The following UNC13C variants were observed in gnomAD, a reference collection of about 807,000 sequenced individuals.
The protein encoded by UNC13C is protein unc-13 homolog C.
In UNC13C, 174 loss-of-function variants were observed where a neutral mutation model predicts 245.4. The observed-to-expected ratio is 0.71, with a 90% CI of 0.63 to 0.80. The LOEUF is 0.80. Among genes scored for constraint, UNC13C ranks in the 30% least tolerant of loss-of-function variants. The pLI is 0.00. For missense variants in UNC13C, 2,829 were observed against 2,602.9 expected (o/e 1.09, Z -1.89); for synonymous variants, 992 against 895.1 (o/e 1.11, Z -1.93).
chr15:54,479,243 A>G (rs970866233), intron 19 of UNC13C, among the ~76,000 whole-genome samples: 1 of 152,052 alleles, frequency 6.6e-6, no homozygotes, highest in Non-Finnish European at 1.5e-5. Context: ...TATTTGCTTT[A>G]TATATCTGGG....
chr15:53,935,153 G>A, the UNC13C span, among the ~76,000 whole-genome samples: 1 of 103,004 alleles, frequency 9.7e-6, no homozygotes, highest in Non-Finnish European at 2.5e-5. Flanking sequence ...TTATCCTCCT[G>A]ATTAAAAAAA....
chr15:53,937,702 A>G, the UNC13C span, among the ~76,000 whole-genome samples: 1 of 152,228 alleles, frequency 6.6e-6, no homozygotes, highest in African/African-American at 2.4e-5. Flanking sequence ...GAAACCCTAC[A>G]AGCCAGAAGA....
chr15:53,977,936 C>G (rs1345221916), upstream of UNC13C, among the ~76,000 whole-genome samples: 1 of 152,178 alleles, frequency 6.6e-6, no homozygotes, highest in African/African-American at 2.4e-5. Flanking sequence ...GAATCACCTT[C>G]AAATGGTTTT....
At chr15:54,592,863 G>GTTTTTTTTTTTTTTT (rs56152927) in intron 30 of UNC13C, among the ~76,000 whole-genome samples, 3 of 134,146 alleles carry the variant, frequency 2.2e-5, no homozygotes, top group Non-Finnish European at 4.8e-5. Context: ...TTTGTTTTTT[G>GTTTTTTTTTTTTTTT]TTTTTTTTTT....
At position 54,220,530 on chromosome 15, in the gene UNC13C, G is replaced by A. The variant is rs1303808781; in HGVS notation, c.3072-14500G>A. On this transcript the variant is annotated intron_variant, in intron 4 of 32. Coordinates refer to ENST00000260323, the MANE Select transcript of UNC13C (RefSeq NM_001080534.3). ...GTTAATGGGTGCAGCACACCAGCAT[G>A]GCACATGTATACATATGTAACTAAC... Among the ~76,000 whole-genome samples the A allele has an allele frequency of 4.0e-5, 6 of 151,190 alleles. No individual in the cohort carries two copies. The East Asian group carries it at 1.2e-3, about 30-fold the overall frequency.
At chr15:54,031,049 T>C (rs1040545599) in intron 2 of UNC13C, among the ~76,000 whole-genome samples, 6 of 152,138 alleles carry the variant, frequency 3.9e-5, no homozygotes, top group Admixed American at 1.3e-4. Flanking sequence ...TTATCAAGTA[T>C]CTAGTAGCTC....
chr15:54,185,605 G>T (rs985876607), intron 4 of UNC13C, among the ~76,000 whole-genome samples: 75 of 148,110 alleles, frequency 5.1e-4, no homozygotes, highest in African/African-American at 1.7e-3. Context: ...ATTTCTGAGG[G>T]CTCTGTTCTG....
At chr15:54,287,964 C>T (rs935456956) in intron 10 of UNC13C, among the ~76,000 whole-genome samples, 3 of 152,174 alleles carry the variant, frequency 2.0e-5, no homozygotes, top group Admixed American at 2.0e-4. Context: ...AGTCCAGGAT[C>T]TTTCTGTAGT....
At chr15:54,004,867 C>T (rs903336958) in intron 1 of UNC13C, among the ~76,000 whole-genome samples, 2 of 152,118 alleles carry the variant, frequency 1.3e-5, no homozygotes, top group African/African-American at 4.8e-5. Flanking sequence ...AGATTTTCTT[C>T]CTGTAGAGTT....
At chr15:54,315,481 A>G (rs149743091) in intron 13 of UNC13C, among the ~76,000 whole-genome samples, 30 of 151,480 alleles carry the variant, frequency 2.0e-4, no homozygotes, top group African/African-American at 7.0e-4. Context: ...TTTAGTCTCA[A>G]TTATAGAATT....
chr15:54,062,728 T>C (rs1897899418), intron 2 of UNC13C, among the ~76,000 whole-genome samples: 1 of 152,214 alleles, frequency 6.6e-6, no homozygotes, highest in African/African-American at 2.4e-5. Context: ...ATACTGCTGT[T>C]AGAAACTCTA....
chr15:54,390,276 A>T (rs2039926738), intron 17 of UNC13C, among the ~76,000 whole-genome samples: 1 of 152,080 alleles, frequency 6.6e-6, no homozygotes, highest in Non-Finnish European at 1.5e-5. Flanking sequence ...ATATACTTAT[A>T]TTTTCTTATG....
At chr15:54,531,949 G>C (rs1436152380) in intron 25 of UNC13C, among the ~76,000 whole-genome samples, 1 of 151,950 alleles carries the variant, frequency 6.6e-6, no homozygotes, top group East Asian at 1.9e-4. Flanking sequence ...TTTGTGACTG[G>C]CTTCTTTACT....
At chr15:54,264,111 A>T in intron 8 of UNC13C, 57 bp from the exon 9 acceptor site, 1 of 1,496,762 alleles carries the variant, frequency 6.7e-7, no homozygotes, top group Non-Finnish European at 9.1e-7. Flanking sequence ...TCCCTCCTTT[A>T]GCCATCAAAA....
At chr15:54,090,777 C>T (rs953953080) in intron 2 of UNC13C, among the ~76,000 whole-genome samples, 1 of 152,154 alleles carries the variant, frequency 6.6e-6, no homozygotes, top group Non-Finnish European at 1.5e-5. Context: ...AGCCTGAAAG[C>T]TCCCACGCCC....
chr15:54,127,839 C>A (rs141414464), intron 2 of UNC13C, among the ~76,000 whole-genome samples: 1 of 148,808 alleles, frequency 6.7e-6, no homozygotes, highest in Admixed American at 6.7e-5. Context: ...GAACCTTCCT[C>A]CTTGGGAACT....
At chr15:54,159,662 G>A (rs16974217) in intron 4 of UNC13C, among the ~76,000 whole-genome samples, 44,219 of 152,108 alleles carry the variant, frequency 0.29, 6,699 homozygotes, top group African/African-American at 0.36. Flanking sequence ...GAACTAGTGG[G>A]TCAAGTTTGG....
chr15:54,168,161 T>C (rs2033253603), intron 4 of UNC13C, among the ~76,000 whole-genome samples: 1 of 152,188 alleles, frequency 6.6e-6, no homozygotes, highest in Non-Finnish European at 1.5e-5. Context: ...GTTTGAGATT[T>C]TTAACAATAA....
At chr15:54,080,290 T>C (rs554576013) in intron 2 of UNC13C, among the ~76,000 whole-genome samples, 1 of 152,108 alleles carries the variant, frequency 6.6e-6, no homozygotes, top group African/African-American at 2.4e-5. Context: ...TCTATTTTTG[T>C]TGTGTCATTG....
Sources: allele counts gnomAD v4.1 joint callset (sites outside exome capture counted in the v4.1 genomes callset), GRCh38; gene constraint gnomAD v4.1.1; transcripts MANE v1.5; gene names NCBI Gene and HGNC (gene_info 2026-07-23, HGNC 2026-07-21).